MDM4: variants seen among roughly 807,000 people sequenced by gnomAD.
MDM4 encodes the protein MDM4 regulator of p53.
MDM4 carries 2 observed loss-of-function variants against 60.2 expected under a neutral mutation model. The observed-to-expected ratio is 0.03, with a 90% CI of 0.01 to 0.10. The LOEUF (loss-of-function observed/expected upper bound fraction) is 0.10, where lower values mean the gene tolerates loss of function less well. Ranked by LOEUF, MDM4 falls within the 10% of genes least tolerant of loss-of-function variation. The pLI is 1.00. For synonymous variants in MDM4, 202 were observed against 198.1 expected (o/e 1.02, Z -0.17); for missense variants, 447 against 577.5 (o/e 0.77, Z 2.32).
In MDM4 at chr1:204,519,645, C is replaced by T. The variant is rs531729869; in HGVS notation, c.-36+3136C>T. 2.3e-4 allele frequency among the ~76,000 whole-genome samples: 35 copies of T among 151,854 alleles called. 1 individual carries two copies. In the South Asian group the frequency reaches 7.3e-3, roughly 32 times the overall value. ...GCTTTAGCTCAGAATTTGAGACTAG[C>T]CTGGGGAACATTAAAAAAACTAGCT... On this transcript the variant is annotated intron_variant, in intron 1 of 10. Transcript: ENST00000367182.
chr1:204,530,815 A>C lies in MDM4; in HGVS notation c.285A>C (p.Pro95=), dbSNP rs1572476619. The part of the protein sequence containing the change: ...LGRQSFSVKD[P]SPLYDMLRKN... ...GTCAGAGCTTCTCCGTGAAAGACCC[A>C]AGGTAAAAACAGTGAGGGCTTGCGT... The change falls in exon 4 of 11, where the codon CCA becomes CCC. Residue 95 remains proline (P), a splice_region_variant and synonymous_variant. Transcript: ENST00000367182. The C allele has an allele frequency of 1.2e-6, 2 of 1,614,204 alleles. No individual in the cohort carries two copies. Among genetic ancestry groups the C allele is most frequent in the African/African-American group, 2.7e-5 (2 of 75,066 alleles).
At chr1:204,528,035 C>T (rs973561466) in intron 3 of MDM4, among the ~76,000 whole-genome samples, 9 of 149,458 alleles carry the variant, frequency 6.0e-5, no homozygotes, top group South Asian at 2.1e-4. Flanking sequence ...AAATTTGACA[C>T]GTAAGACCTT....
At chr1:204,517,070 G>A (rs929910152) in intron 1 of MDM4, among the ~76,000 whole-genome samples, 5 of 151,846 alleles carry the variant, frequency 3.3e-5, no homozygotes, top group African/African-American at 4.8e-5. Flanking sequence ...GTGAAACCCC[G>A]TCTCTAGTAA....
intron 3 of MDM4, among the ~76,000 whole-genome samples, chr1:204,530,278 G>A (rs1317265769): frequency 6.6e-6 from 1 of 152,166 alleles, no homozygotes; most frequent in African/African-American, 2.4e-5. Context: ...GAATTATTAT[G>A]TGAACACATA....
At chr1:204,529,418 C>A in intron 3 of MDM4, 1 of 1,390,266 alleles carries the variant, frequency 7.2e-7, no homozygotes, top group Non-Finnish European at 1.0e-6. Flanking sequence ...TTGGAGGTGG[C>A]TGACCATAGG....
At position 204,544,553 on chromosome 1, in the gene MDM4, G is replaced by A; in HGVS notation, c.691G>A (p.Val231Ile). The A allele has an allele frequency of 1.2e-6, 2 of 1,611,800 alleles. No homozygotes were observed. The highest frequency in any genetic ancestry group is 1.7e-6 in the Non-Finnish European group (2 of 1,178,532). The change falls in exon 9 of 11, where the codon GTT (valine) becomes ATT (isoleucine). Residue 231 changes from valine (V) to isoleucine (I), a missense_variant. Val to Ile is a conservative substitution (Grantham distance 29). Transcript: ENST00000367182. ...QTNQDVGTAI[V>I]SDTTDDLWFL... is the part of the protein sequence containing the mutation. Reference sequence around the variant, plus strand: ...CTGTTAGGATGTGGGTACTGCCATTGTTTCAGATACTACAGATGACTTGTG... The same window carrying A: ...CTGTTAGGATGTGGGTACTGCCATTATTTCAGATACTACAGATGACTTGTG...
intron 10 of MDM4, 115 bp from the exon 11 acceptor site, chr1:204,548,998 G>A (rs1468777010): frequency 5.8e-6 from 4 of 695,050 alleles, no homozygotes; most frequent in East Asian, 2.6e-5. Context: ...TCCTAGGCTA[G>A]ATCACTGGTG....
chr1:204,534,444 C>T (rs1018826461), intron 5 of MDM4, among the ~76,000 whole-genome samples: 2 of 152,088 alleles, frequency 1.3e-5, no homozygotes, highest in Non-Finnish European at 2.9e-5. Context: ...CTTTCTTGTA[C>T]TTTCTCTGCA....
chr1:204,519,150 G>C (rs1380576), intron 1 of MDM4, among the ~76,000 whole-genome samples: 87,173 of 152,072 alleles, frequency 0.57, 27,555 homozygotes, highest in Non-Finnish European at 0.69. Context: ...CAAGATAAGA[G>C]TGAAAATGTG....
At chr1:204,528,812 C>G (rs1660525930) in intron 3 of MDM4, 1 of 1,384,080 alleles carries the variant, frequency 7.2e-7, no homozygotes, top group African/African-American at 1.4e-5. Context: ...GGAAAGGTCC[C>G]TGGTGCACTC....
At chr1:204,530,593 T>G in intron 3 of MDM4, 91 bp from the exon 4 acceptor site, 1 of 1,523,420 alleles carries the variant, frequency 6.6e-7, no homozygotes, top group Non-Finnish European at 9.0e-7. Flanking sequence ...ATTTCTTTCT[T>G]TAGCAAACTA....
At chr1:204,517,222 A>G (rs890205426) in intron 1 of MDM4, among the ~76,000 whole-genome samples, 2 of 151,414 alleles carry the variant, frequency 1.3e-5, no homozygotes, top group Admixed American at 1.3e-4. Context: ...AGCTTGGGCT[A>G]CAGAGGGAGA....
chr1:204,547,235 T>C (rs1662754548), intron 10 of MDM4, among the ~76,000 whole-genome samples: 1 of 152,204 alleles, frequency 6.6e-6, no homozygotes, highest in South Asian at 2.1e-4. Flanking sequence ...ACCCATAGGC[T>C]ATCTAAAATT....
intron 8 of MDM4, among the ~76,000 whole-genome samples, chr1:204,544,273 AGTACTGTTTCTTAGGTGTT>A (rs1662424407): frequency 1.3e-5 from 2 of 152,250 alleles, no homozygotes; most frequent in Non-Finnish European, 2.9e-5. Flanking sequence ...TAAACTCTTC[AGTACTGTTTCTTAGGTGTT>A]ATACCTGATT....
Position 204,549,622 on chromosome 1 carries a change from G to A in MDM4, c.1413G>A (p.Gly471=). The change falls in exon 11 of 11, where the codon GGG becomes GGA. Residue 471 remains glycine (G), a synonymous_variant. Coordinates refer to ENST00000367182, the MANE Select transcript of MDM4 (RefSeq NM_002393.5). ...GTGCCAGAAGACTAAAGAAGGCTGGGGCTTCATGCCCTATTTGCAAGAAAG... is the reference window on the plus strand; with the variant it reads ...GTGCCAGAAGACTAAAGAAGGCTGGAGCTTCATGCCCTATTTGCAAGAAAG... ...FHCARRLKKA[G]ASCPICKKEI... The A allele has an allele frequency of 6.2e-7, 1 of 1,600,792 alleles. No homozygotes were observed. The highest frequency in any genetic ancestry group is 8.5e-7 in the Non-Finnish European group (1 of 1,176,558).
chr1:204,546,836 A>G lies in MDM4; in HGVS notation c.862A>G (p.Lys288Glu), dbSNP rs774096960. The change falls in exon 10 of 11, where the codon AAG becomes GAG. Residue 288 changes from lysine to glutamate, a missense_variant. By Grantham distance (56) the Lys-to-Glu change is moderately conservative. This residue lies in a region of MDM4 where 184 missense variants were observed against 179.3 expected (regional missense o/e 1.03). Coordinates refer to ENST00000367182, the MANE Select transcript of MDM4 (RefSeq NM_002393.5). ...VGKNDDLEDS[K>E]SLSDDTDVEV... ...AAAAAATGATGACCTGGAGGACTCT[A>G]AGTCCTTAAGTGATGATACCGATGT... The G allele has an allele frequency of 4.3e-6, 7 of 1,613,046 alleles. No homozygotes were observed. In the African/African-American group the frequency reaches 6.7e-5, roughly 15 times the overall value.
chr1:204,540,883 C>G (rs1018654846), intron 7 of MDM4, among the ~76,000 whole-genome samples: 2 of 152,318 alleles, frequency 1.3e-5, no homozygotes, highest in South Asian at 2.1e-4. Flanking sequence ...GGCTTCTAGT[C>G]TAGGCATGTG....
chr1:204,517,854 AT>A (rs56084242), intron 1 of MDM4, among the ~76,000 whole-genome samples: 1 of 149,264 alleles, frequency 6.7e-6, no homozygotes, highest in African/African-American at 2.5e-5. Flanking sequence ...CTCCTCATAC[AT>A]TTTTTTTTTA....
At chr1:204,546,734 TCAG>T in intron 9 of MDM4, 60 bp from the exon 10 acceptor site, 1 of 1,103,144 alleles carries the variant, frequency 9.1e-7, no homozygotes, top group African/African-American at 1.6e-5. Flanking sequence ...TTTTTTGCTT[TCAG>T]TTAATTAGCC....
Sources: gnomAD v4.1 joint callset for allele counts (sites outside exome capture counted in the v4.1 genomes callset) on GRCh38, gnomAD v4.1.1 for gene constraint, gnomAD v4.1.1 regional missense constraint, MANE v1.5 for transcripts, NCBI Gene and HGNC (gene_info 2026-07-23, HGNC 2026-07-21) for gene names.